The following SPSB4 variants were observed in gnomAD, a reference collection of about 807,000 sequenced individuals.
SPSB4 encodes SPRY domain-containing SOCS box protein 4.
A neutral mutation model predicts 20.9 loss-of-function variants in SPSB4; 21 were observed. That is an observed-to-expected ratio of 1.01 (90% CI 0.71 to 1.45). SPSB4 has a LOEUF of 1.45. Ranked by LOEUF, SPSB4 falls within the 40% of genes most tolerant of loss-of-function variation. The pLI is 0.00. For missense variants in SPSB4, 399 were observed against 399.2 expected (o/e 1.00, Z 0.00); for synonymous variants, 207 against 183.8 (o/e 1.13, Z -1.02).
intron 2 of SPSB4, among the ~76,000 whole-genome samples, chr3:141,078,701 G>A (rs1938163897): frequency 6.6e-6 from 1 of 152,118 alleles, no homozygotes; most frequent in Admixed American, 6.6e-5. Flanking sequence ...GTTTCTTCCT[G>A]GTACCTCCTG....
chr3:141,075,892 CAAAAAAAAAAA>C (rs532646509), intron 2 of SPSB4, among the ~76,000 whole-genome samples: 3 of 68,836 alleles, frequency 4.4e-5, no homozygotes, highest in Non-Finnish European at 1.1e-4. Context: ...ACTAAAAATA[CAAAAAAAAAAA>C]AAAAAAAAAA....
intron 2 of SPSB4, among the ~76,000 whole-genome samples, chr3:141,112,373 C>T (rs576337475): frequency 1.3e-5 from 2 of 152,146 alleles, no homozygotes; most frequent in African/African-American, 4.8e-5. Flanking sequence ...AGGCCGGGCG[C>T]GGTGGCTCAC....
chr3:141,141,593 A>C (rs531779281), intron 2 of SPSB4, among the ~76,000 whole-genome samples: 1 of 152,334 alleles, frequency 6.6e-6, no homozygotes, highest in Admixed American at 6.5e-5. Context: ...CAGCAGCAAC[A>C]GCAGTGGAAT....
intron 2 of SPSB4, among the ~76,000 whole-genome samples, chr3:141,134,181 C>CT (rs1378393306): frequency 6.7e-6 from 1 of 149,106 alleles, no homozygotes; most frequent in Non-Finnish European, 1.5e-5. Context: ...TGAAACTTAA[C>CT]TGAATTCATT....
intron 2 of SPSB4, among the ~76,000 whole-genome samples, chr3:141,118,534 C>T (rs1398223189): frequency 2.0e-5 from 3 of 152,130 alleles, no homozygotes; most frequent in Non-Finnish European, 2.9e-5. Context: ...GTTGCCATTG[C>T]TTTTGGTGTT....
At chr3:141,117,329 T>G (rs1938893537) in intron 2 of SPSB4, among the ~76,000 whole-genome samples, 1 of 152,176 alleles carries the variant, frequency 6.6e-6, no homozygotes, top group Non-Finnish European at 1.5e-5. Flanking sequence ...AGTCCAGGCC[T>G]GGGCTGCTGT....
At chr3:141,074,408 T>G (rs1314816278) in intron 2 of SPSB4, among the ~76,000 whole-genome samples, 1 of 152,230 alleles carries the variant, frequency 6.6e-6, no homozygotes, top group Non-Finnish European at 1.5e-5. Flanking sequence ...ATTACAGTTA[T>G]TAAATATAGA....
chr3:141,093,887 C>A (rs746502437), intron 2 of SPSB4, among the ~76,000 whole-genome samples: 12 of 152,196 alleles, frequency 7.9e-5, no homozygotes, highest in Non-Finnish European at 1.8e-4. Flanking sequence ...TCTTCTAATA[C>A]CACACAGGTC....
Position 141,066,262 on chromosome 3 carries a change from G to T in SPSB4, c.158G>T (p.Arg53Leu). ...GCGGCGGGGCTGGCTGTGCAGCTGC[G>T]GCACGCGTGGAACCCCGAGGACCGC... ...MPAAGLAVQL[R>L]HAWNPEDRSL... The change falls in exon 2 of 3, where the codon CGG becomes CTG. Residue 53 changes from arginine to leucine, a missense_variant. Arg to Leu is a moderately radical substitution (Grantham distance 102). Transcript: ENST00000310546. 1 of 1,548,620 alleles carries T rather than the reference G, an allele frequency of 6.5e-7. No homozygotes were observed. The highest frequency in any genetic ancestry group is 8.7e-7 in the Non-Finnish European group (1 of 1,148,158).
intron 2 of SPSB4, among the ~76,000 whole-genome samples, chr3:141,110,227 G>A (rs1938774147): frequency 6.6e-6 from 1 of 152,212 alleles, no homozygotes; most frequent in African/African-American, 2.4e-5. Flanking sequence ...ATCAAAGCCA[G>A]AGTGGTAAGA....
intron 2 of SPSB4, among the ~76,000 whole-genome samples, chr3:141,076,736 G>A (rs1050737214): frequency 1.3e-5 from 2 of 152,186 alleles, no homozygotes; most frequent in Non-Finnish European, 2.9e-5. Context: ...TCAGGGTCAC[G>A]TTGAGTCTTC....
chr3:141,066,187 G>A lies in SPSB4; in HGVS notation c.83G>A (p.Gly28Asp). ...ALRPAKRELRGAEPGRPARLD... is the reference protein window; with the variant it reads ...ALRPAKRELRDAEPGRPARLD... ...CGGCCGGCCAAGCGGGAGCTGCGGG[G>A]TGCAGAGCCCGGGCGGCCGGCGCGG... is the stretch of plus-strand genomic sequence containing the variant. The change falls in exon 2 of 3, where the codon GGT becomes GAT. Residue 28 changes from glycine to aspartate, a missense_variant. Physicochemically the swap from Gly to Asp is moderately conservative, Grantham distance 94. Coordinates refer to ENST00000310546, the MANE Select transcript of SPSB4 (RefSeq NM_080862.3). 6.5e-7 allele frequency: 1 copy of A among 1,532,516 alleles called. No homozygotes were observed. The highest frequency in any genetic ancestry group is 1.2e-5 in the South Asian group (1 of 82,972). The allele number at this position is 1,532,516 out of a possible 1,614,324, so 94.9% of individuals were successfully genotyped here.
intron 2 of SPSB4, among the ~76,000 whole-genome samples, chr3:141,091,794 A>G (rs1938453898): frequency 1.3e-5 from 2 of 152,214 alleles, no homozygotes; most frequent in South Asian, 4.1e-4. Flanking sequence ...AGGTGGTACC[A>G]GGGGCCCGGG....
In SPSB4 at chr3:141,051,629, C is replaced by G. The variant is rs1414823869; in HGVS notation, c.-517C>G. 1 of 151,474 alleles carries G rather than the reference C, an allele frequency of 6.6e-6. No individual in the cohort carries two copies. The highest frequency in any genetic ancestry group is 1.5e-5 in the Non-Finnish European group (1 of 67,806). 9.4% of individuals were successfully genotyped at this position (151,474 alleles called of 1,614,324 possible). ...CGAGGCGCGGCCCGTGCGCCCTGAG[C>G]GCGGGACTCGTCGCCCTCCGGGTCA... On this transcript the variant is annotated 5_prime_UTR_variant, in exon 1 of 3. Transcript: ENST00000310546.
intron 1 of SPSB4, among the ~76,000 whole-genome samples, chr3:141,057,475 A>G (rs1218703062): frequency 2.6e-5 from 4 of 152,212 alleles, no homozygotes; most frequent in African/African-American, 9.7e-5. Context: ...TTTCTAAGGC[A>G]GTGTATTGCT....
chr3:141,074,105 A>C (rs1286261354), intron 2 of SPSB4, among the ~76,000 whole-genome samples: 1 of 152,238 alleles, frequency 6.6e-6, no homozygotes, highest in Non-Finnish European at 1.5e-5. Flanking sequence ...GACAAGCATC[A>C]CCGTGGGCCA....
intron 1 of SPSB4, among the ~76,000 whole-genome samples, chr3:141,065,502 C>A (rs1472748436): frequency 6.6e-6 from 1 of 152,230 alleles, no homozygotes; most frequent in South Asian, 2.1e-4. Flanking sequence ...CACCTGGGTT[C>A]TCATCCAGGC....
chr3:141,128,633 G>T (rs976944835), intron 2 of SPSB4, among the ~76,000 whole-genome samples: 1 of 152,146 alleles, frequency 6.6e-6, no homozygotes, highest in Non-Finnish European at 1.5e-5. Flanking sequence ...GAGGCAGCTG[G>T]GGGGAGCTCA....
At chr3:141,143,591 C>T (rs1025196074) in intron 2 of SPSB4, among the ~76,000 whole-genome samples, 45 of 152,202 alleles carry the variant, frequency 3.0e-4, no homozygotes, top group African/African-American at 1.0e-3. Flanking sequence ...TTCTCTAATG[C>T]TGGTTATGCT....
Sources: allele counts gnomAD v4.1 joint callset (sites outside exome capture counted in the v4.1 genomes callset), GRCh38; gene constraint gnomAD v4.1.1; transcripts MANE v1.5; gene names NCBI Gene and HGNC (gene_info 2026-07-23, HGNC 2026-07-21).